CERS6: variants seen among roughly 807,000 people sequenced by gnomAD.
CERS6 encodes the protein LAG1 homolog, ceramide synthase 6.
In CERS6, 26 loss-of-function variants were observed where a neutral mutation model predicts 56.8. The observed-to-expected ratio is 0.46, with a 90% CI of 0.34 to 0.63. The LOEUF (loss-of-function observed/expected upper bound fraction) is 0.63, where lower values mean the gene tolerates loss of function less well. Ranked by LOEUF, CERS6 falls within the 30% of genes least tolerant of loss-of-function variation. CERS6 has a pLI of 0.01. For synonymous variants in CERS6, 164 were observed against 173.3 expected (o/e 0.95, Z 0.42); for missense variants, 415 against 467.5 (o/e 0.89, Z 1.04).
chr2:168,670,447 A>G (rs951871438), intron 4 of CERS6, among the ~76,000 whole-genome samples: 2 of 152,222 alleles, frequency 1.3e-5, no homozygotes, highest in African/African-American at 4.8e-5. Context: ...TAAGGATGCA[A>G]CTTAGCACTC....
intron 4 of CERS6, among the ~76,000 whole-genome samples, chr2:168,631,832 A>ATATTG (rs1268542520): frequency 7.6e-6 from 1 of 131,286 alleles, no homozygotes; most frequent in East Asian, 2.2e-4. Context: ...ATTATATAAT[A>ATATTG]TATATTATAT....
At chr2:168,548,626 T>G (rs927075585) in intron 2 of CERS6, among the ~76,000 whole-genome samples, 1 of 152,212 alleles carries the variant, frequency 6.6e-6, no homozygotes, top group Non-Finnish European at 1.5e-5. Context: ...AAGATGTGAT[T>G]TGACAGAATT....
At chr2:168,636,281 G>C (rs1684857961) in intron 4 of CERS6, among the ~76,000 whole-genome samples, 1 of 152,114 alleles carries the variant, frequency 6.6e-6, no homozygotes, top group African/African-American at 2.4e-5. Context: ...TCTTTGGACT[G>C]TCTAGGTTAA....
intron 1 of CERS6, among the ~76,000 whole-genome samples, chr2:168,511,462 C>A (rs1409892455): frequency 6.6e-6 from 1 of 152,126 alleles, no homozygotes; most frequent in Non-Finnish European, 1.5e-5. Flanking sequence ...GAGGAGAAGT[C>A]TTCCCTGTCT....
chr2:168,702,497 G>A (rs918759419), intron 6 of CERS6, among the ~76,000 whole-genome samples: 2 of 152,148 alleles, frequency 1.3e-5, no homozygotes, highest in African/African-American at 4.8e-5. Flanking sequence ...TTTTTGGAAA[G>A]CTTATGTGTA....
At chr2:168,669,084 G>A (rs1388656253) in intron 4 of CERS6, among the ~76,000 whole-genome samples, 2 of 152,212 alleles carry the variant, frequency 1.3e-5, no homozygotes, top group East Asian at 3.9e-4. Flanking sequence ...GCTTAAACAA[G>A]AAAAAAGTTT....
In CERS6 at chr2:168,555,595, G is replaced by GA. The variant is rs940442062; in HGVS notation, c.277-5588dup. The stretch of plus-strand genomic sequence containing the variant: ...TACCAAAGGCAGCTAAATCGACTAA[G>GA]AAAAAAAAAGCAAGCACAAATAAAC... On this transcript the variant is annotated intron_variant, in intron 2 of 9. Transcript: ENST00000305747. 1.1e-4 allele frequency among the ~76,000 whole-genome samples: 17 copies of GA among 148,828 alleles called. No individual in the cohort carries two copies. The East Asian group carries it at 2.1e-3, about 19-fold the overall frequency.
Position 168,765,680 on chromosome 2 carries a change from C to T in CERS6, c.934C>T (p.Gln312Ter). ...WVFNLLLLLV[Q>*]GLNCFWSYLI... Reference sequence around the variant, plus strand: ...TTTTAACCTACTGCTATTGCTAGTACAAGGGTTGAACTGCTTCTGGTCTTA... The same window carrying T: ...TTTTAACCTACTGCTATTGCTAGTATAAGGGTTGAACTGCTTCTGGTCTTA... Residue 312 changes from glutamine to a stop codon, truncating the protein, a stop_gained, in exon 9 of 10, where the codon CAA (glutamine) becomes TAA (stop). Transcript: ENST00000305747. LOFTEE classifies it high-confidence loss of function. 6.2e-7 allele frequency: 1 copy of T among 1,614,062 alleles called. No individual in the cohort carries two copies. Among genetic ancestry groups the T allele is most frequent in the Non-Finnish European group, 8.5e-7 (1 of 1,179,938 alleles).
rs191606590 is a variant in CERS6, at chr2:168,699,156, G to A, written c.609+4105G>A. 5.2e-3 allele frequency among the ~76,000 whole-genome samples: 798 copies of A among 152,136 alleles called. 10 individuals are homozygous for A. The highest frequency in any genetic ancestry group is 0.018 in the African/African-American group (749 of 41,496). On this transcript the variant is annotated intron_variant, in intron 6 of 9. Coordinates refer to ENST00000305747, the MANE Select transcript of CERS6 (RefSeq NM_203463.3). The stretch of plus-strand genomic sequence containing the variant: ...TCCTTGGCAGTTCCATCCTTATTCC[G>A]CCTCCATTTGGAGGACCTGCTGTTC...
At chr2:168,535,502 T>C (rs914324455) in intron 1 of CERS6, among the ~76,000 whole-genome samples, 1 of 151,934 alleles carries the variant, frequency 6.6e-6, no homozygotes, top group Non-Finnish European at 1.5e-5. Context: ...TTCCTTCCTC[T>C]CCGTGGATCA....
intron 1 of CERS6, among the ~76,000 whole-genome samples, chr2:168,481,863 A>G (rs921668229): frequency 1.2e-4 from 18 of 152,244 alleles, no homozygotes; most frequent in Non-Finnish European, 2.5e-4. Flanking sequence ...TAGTACCAGC[A>G]TGAATACATT....
intron 1 of CERS6, among the ~76,000 whole-genome samples, chr2:168,500,671 A>C (rs1445254735): frequency 6.6e-6 from 1 of 152,130 alleles, no homozygotes; most frequent in East Asian, 1.9e-4. Flanking sequence ...TATTTAAAGA[A>C]TTCAAACCAA....
intron 3 of CERS6, among the ~76,000 whole-genome samples, chr2:168,600,159 A>G (rs999536068): frequency 5.4e-5 from 8 of 148,642 alleles, no homozygotes; most frequent in East Asian, 2.0e-4. Flanking sequence ...TGGGTAAACT[A>G]TCCAACTTAT....
chr2:168,632,026 A>G (rs1408779655), intron 4 of CERS6, among the ~76,000 whole-genome samples: 4 of 151,196 alleles, frequency 2.6e-5, no homozygotes, highest in Non-Finnish European at 5.9e-5. Context: ...ATAATCCTGC[A>G]TGAACTGAGG....
At chr2:168,669,376 G>A (rs1443046136) in intron 4 of CERS6, among the ~76,000 whole-genome samples, 9 of 152,158 alleles carry the variant, frequency 5.9e-5, no homozygotes, top group Non-Finnish European at 1.3e-4. Flanking sequence ...TCACTTCATA[G>A]ACCAGAACTG....
chr2:168,464,237 G>T (rs1693830742), intron 1 of CERS6, among the ~76,000 whole-genome samples: 1 of 147,584 alleles, frequency 6.8e-6, no homozygotes, highest in Non-Finnish European at 1.5e-5. Context: ...CTGTTCCCCA[G>T]GCTGGAGTGC....
intron 3 of CERS6, among the ~76,000 whole-genome samples, chr2:168,586,160 T>G (rs1412943089): frequency 6.7e-6 from 1 of 149,838 alleles, no homozygotes; most frequent in African/African-American, 2.5e-5. Flanking sequence ...ATTTTTGTAT[T>G]TTTTTTTTAG....
At position 168,515,959 on chromosome 2, in the gene CERS6, A is replaced by G. The variant is rs142222867; in HGVS notation, c.171-31637A>G. Among the ~76,000 whole-genome samples, 743 of 152,322 alleles carry G rather than the reference A, an allele frequency of 4.9e-3. 19 individuals carry two copies. The highest frequency in any genetic ancestry group is 8.1e-3 in the East Asian group (42 of 5,188). On this transcript the variant is annotated intron_variant, in intron 1 of 9. Coordinates refer to ENST00000305747, the MANE Select transcript of CERS6 (RefSeq NM_203463.3). The stretch of plus-strand genomic sequence containing the variant: ...AGAACTCAGACCCTTTCTGTTGGAC[A>G]TTCTCCAAATGGAGGTGGAATGTCA...
At chr2:168,499,377 A>G (rs1240905770) in intron 1 of CERS6, among the ~76,000 whole-genome samples, 1 of 152,252 alleles carries the variant, frequency 6.6e-6, no homozygotes, top group Admixed American at 6.5e-5. Flanking sequence ...ATAATTAGTT[A>G]TATAGAACAC....
Sources: gnomAD v4.1 joint callset for allele counts (sites outside exome capture counted in the v4.1 genomes callset) on GRCh38, gnomAD v4.1.1 for gene constraint, MANE v1.5 for transcripts, NCBI Gene and HGNC (gene_info 2026-07-23, HGNC 2026-07-21) for gene names.